The following GRM6 variants were observed in gnomAD, a reference collection of about 807,000 sequenced individuals.
GRM6 encodes the protein metabotropic glutamate receptor 6.
GRM6 carries 73 observed loss-of-function variants against 78.4 expected under a neutral mutation model. That is an observed-to-expected ratio of 0.93 (90% CI 0.77 to 1.13). The LOEUF (loss-of-function observed/expected upper bound fraction) is 1.13. GRM6 is among the 50% of genes most tolerant of loss of function. The pLI, the probability that GRM6 is intolerant of heterozygous loss-of-function variation, is 0.00. For synonymous variants in GRM6, 580 were observed against 555.0 expected, an observed-to-expected ratio of 1.05 and a Z score of -0.63; for missense variants, 1,251 against 1,256.4, an observed-to-expected ratio of 1.00 and a Z score of 0.07.
intron 10 of GRM6, 101 bp downstream of exon 10, chr5:178,982,809 C>T (rs1176613035): frequency 1.1e-5 from 9 of 824,330 alleles, no homozygotes; most frequent in Admixed American, 1.9e-5. Context: ...CAGCCAGATA[C>T]GGGATAAACA....
chr5:178,982,101 G>A (rs1388777117), intron 10 of GRM6, among the ~76,000 whole-genome samples: 1 of 152,196 alleles, frequency 6.6e-6, no homozygotes, highest in Non-Finnish European at 1.5e-5. Flanking sequence ...ACCTGGGGAA[G>A]CGGGAGCCGG....
At position 178,988,523 on chromosome 5, in the gene GRM6, G is replaced by C. The variant is rs1437187571; in HGVS notation, c.1354+412C>G. Among the ~76,000 whole-genome samples the C allele has an allele frequency of 6.6e-6, 1 of 152,188 alleles. No individual in the cohort carries two copies. The highest frequency in any genetic ancestry group is 1.5e-5 in the Non-Finnish European group (1 of 68,036). Reference sequence around the variant, plus strand: ...GTGCCAAGGGACAGGTCAGACCCACGCCTGTGCCTGGCGCATGACTCAGAG... The same window carrying C: ...GTGCCAAGGGACAGGTCAGACCCACCCCTGTGCCTGGCGCATGACTCAGAG... On this transcript the variant is annotated intron_variant, in intron 7 of 10. Transcript: ENST00000517717. The surrounding 1 kb of genome is among the most constrained non-coding windows in gnomAD (Gnocchi z 6.0).
chr5:178,983,618 A>G (rs1029170295), intron 9 of GRM6: 1 of 380,520 alleles, frequency 2.6e-6, no homozygotes, highest in Non-Finnish European at 5.3e-6. Flanking sequence ...CCCTACTCGC[A>G]TCGCCTCTCT....
At chr5:178,987,418 C>T (rs1169078092) in intron 7 of GRM6, 1 of 459,106 alleles carries the variant, frequency 2.2e-6, no homozygotes, top group East Asian at 6.9e-5. Flanking sequence ...CGAGCGTCCA[C>T]TGACAGAAGA....
rs11449973 is a variant in GRM6 at position 178,992,395 on chromosome 5, A to ACC, written c.505-314_505-313dup. 4.4e-5 allele frequency: 21 copies of ACC among 478,278 alleles called. No homozygotes were observed. Among genetic ancestry groups the ACC allele is most frequent in the South Asian group, 3.0e-4 (18 of 59,310 alleles). The allele number at this position is 478,278 out of a possible 1,614,324, so 29.6% of individuals were successfully genotyped here. A position where few individuals can be genotyped will look rare whatever the true frequency, so the allele number is the denominator to read the frequency against. On this transcript the variant is annotated intron_variant, in intron 2 of 10. Coordinates refer to ENST00000517717, the MANE Select transcript of GRM6 (RefSeq NM_000843.4). The surrounding 1 kb of genome is among the most constrained non-coding windows in gnomAD (Gnocchi z 4.9). ...GGTACAAGCTGTGTCCTGAACAAGG[A>ACC]CCCCCAGCAGAGGGCCTGCAGCCCA... is the stretch of plus-strand genomic sequence containing the variant.
At position 178,982,957 on chromosome 5, in the gene GRM6, G is replaced by A; in HGVS notation, c.2389C>T (p.Leu797=). ...CCAAAGAAGATGGGCACGAATGCCA[G>A]CCAGATGATGCAGGTGGTGTACATG... ...FTMYTTCIIW[L]AFVPIFFGTA... is the part of the protein sequence containing the mutation. The change falls in exon 10 of 11, where the codon CTG becomes TTG. Residue 797 remains leucine, a synonymous_variant. Transcript: ENST00000517717. 1 of 1,614,200 alleles carries A rather than the reference G, an allele frequency of 6.2e-7. No individual in the cohort carries two copies. The highest frequency in any genetic ancestry group is 8.5e-7 in the Non-Finnish European group (1 of 1,180,008).
chr5:178,983,618 A>T, intron 9 of GRM6: 1 of 380,638 alleles, frequency 2.6e-6, no homozygotes, highest in Admixed American at 3.2e-5. Flanking sequence ...CCCTACTCGC[A>T]TCGCCTCTCT....
chr5:178,991,556 C>A lies in GRM6; in HGVS notation c.725G>T (p.Gly242Val), dbSNP rs748683264. ...CTTGATAGACTGGGCAATACAGACCCCCCCTGGGCGTTGGGGGTGCCAGAG... is the reference window on the plus strand; with the variant it reads ...CTTGATAGACTGGGCAATACAGACCACCCCTGGGCGTTGGGGGTGCCAGAG... Reference protein sequence around the residue: ...AFVQISREAGGVCIAQSIKIP... With the variant: ...AFVQISREAGVVCIAQSIKIP... The change falls in exon 4 of 11, where the codon GGG (glycine) becomes GTG (valine). Residue 242 changes from glycine to valine, a missense_variant. Transcript: ENST00000517717. The surrounding 1 kb of genome is among the most constrained non-coding windows in gnomAD (Gnocchi z 5.0). 9.9e-6 allele frequency: 16 copies of A among 1,613,812 alleles called. No individual in the cohort carries two copies. Among genetic ancestry groups the A allele is most frequent in the Non-Finnish European group, 1.4e-5 (16 of 1,179,830 alleles).
At position 178,981,334 on chromosome 5, in the gene GRM6, C is replaced by T. The variant is rs1760390985; in HGVS notation, c.*323G>A. 1 of 321,128 alleles carries T rather than the reference C, an allele frequency of 3.1e-6. No individual in the cohort carries two copies. The highest frequency in any genetic ancestry group is 7.0e-5 in the East Asian group (1 of 14,220). The allele number at this position is 321,128 out of a possible 1,614,324, so 19.9% of individuals were successfully genotyped here. A position where few individuals can be genotyped will look rare whatever the true frequency, so the allele number is the denominator to read the frequency against. ...GAAATCTCCCGCAAACCAGGCAAAG[C>T]CCAGGGCTTCATCATCCTCTTTGGA... On this transcript the variant is annotated 3_prime_UTR_variant, in exon 11 of 11. Transcript: ENST00000517717. This position sits in a 1 kb window ranked among gnomAD's most constrained non-coding sequence, Gnocchi z 5.1.
chr5:178,988,512 G>T lies in GRM6; in HGVS notation c.1354+423C>A, dbSNP rs1332763500. Among the ~76,000 whole-genome samples, 1 of 152,212 alleles carries T rather than the reference G, an allele frequency of 6.6e-6. No homozygotes were observed. Among genetic ancestry groups the T allele is most frequent in the Non-Finnish European group, 1.5e-5 (1 of 68,046 alleles). ...CACCAAGCCTGGTGCCAAGGGACAG[G>T]TCAGACCCACGCCTGTGCCTGGCGC... is the stretch of plus-strand genomic sequence containing the variant. On this transcript the variant is annotated intron_variant, in intron 7 of 10. Coordinates refer to ENST00000517717, the MANE Select transcript of GRM6 (RefSeq NM_000843.4). This position sits in a 1 kb window ranked among gnomAD's most constrained non-coding sequence, Gnocchi z 6.0.
intron 5 of GRM6, chr5:178,989,961 A>G: frequency 4.9e-6 from 1 of 204,588 alleles, no homozygotes; most frequent in Non-Finnish European, 1.0e-5. Context: ...TATCGCTAAA[A>G]CTACTCTCAG....
Position 178,991,917 on chromosome 5 carries a change from T to A in GRM6, c.671A>T (p.Asn224Ile), listed in dbSNP as rs1760683421. ...GGCCTCAACCCCACTTTCGCCATAG[T>A]TGCCCTCGGAGGCCAGCGTGGACAC... ...NYVSTLASEG[N>I]YGESGVEAFV... The change falls in exon 3 of 11, where the codon AAC (asparagine) becomes ATC (isoleucine). Residue 224 changes from asparagine to isoleucine, a missense_variant. By Grantham distance (149) the Asn-to-Ile change is moderately radical (BLOSUM62 -3). Coordinates refer to ENST00000517717, the MANE Select transcript of GRM6 (RefSeq NM_000843.4). This position sits in a 1 kb window ranked among gnomAD's most constrained non-coding sequence, Gnocchi z 5.0. 6.2e-7 allele frequency: 1 copy of A among 1,614,004 alleles called. No individual in the cohort carries two copies. Among genetic ancestry groups the A allele is most frequent in the South Asian group, 1.1e-5 (1 of 91,070 alleles).
In GRM6 at chr5:178,988,731, G is replaced by A. The variant is rs1306045137; in HGVS notation, c.1354+204C>T. 6.6e-6 allele frequency among the ~76,000 whole-genome samples: 1 copy of A among 152,170 alleles called. No homozygotes were observed. Among genetic ancestry groups the A allele is most frequent in the Non-Finnish European group, 1.5e-5 (1 of 68,012 alleles). On this transcript the variant is annotated intron_variant, in intron 7 of 10. Coordinates refer to ENST00000517717, the MANE Select transcript of GRM6 (RefSeq NM_000843.4). This position sits in a 1 kb window ranked among gnomAD's most constrained non-coding sequence, Gnocchi z 6.0. ...ATCTGAACTGTGCAAACCAGCGCAG[G>A]GAACACTGAAGCCTGGGGAGGGAGC... is the stretch of plus-strand genomic sequence containing the variant.
At position 178,994,695 on chromosome 5, in the gene GRM6, C is replaced by G; in HGVS notation, c.250G>C (p.Glu84Gln). 6.8e-7 allele frequency: 1 copy of G among 1,469,058 alleles called. No homozygotes were observed. Among genetic ancestry groups the G allele is most frequent in the Non-Finnish European group, 9.0e-7 (1 of 1,113,132 alleles). 91.0% of individuals were successfully genotyped at this position (1,469,058 alleles called of 1,614,324 possible). A position where few individuals can be genotyped will look rare whatever the true frequency, so the allele number is the denominator to read the frequency against. The change falls in exon 2 of 11, where the codon GAG (glutamate) becomes CAG (glutamine). Residue 84 changes from glutamate to glutamine, a missense_variant. By Grantham distance (29) the Glu-to-Gln change is conservative. Coordinates refer to ENST00000517717, the MANE Select transcript of GRM6 (RefSeq NM_000843.4). ...CCCAGGCGCACGCCGGGCAGCAGCTCGGGGTCGGCGTTGACGCGGTCCAGC... is the reference window on the plus strand; with the variant it reads ...CCCAGGCGCACGCCGGGCAGCAGCTGGGGGTCGGCGTTGACGCGGTCCAGC... ...YALDRVNADP[E>Q]LLPGVRLGAR...
intron 5 of GRM6, among the ~76,000 whole-genome samples, chr5:178,990,379 G>A (rs924321727): frequency 2.0e-5 from 3 of 152,222 alleles, no homozygotes; most frequent in Admixed American, 6.5e-5. Context: ...ATTCCTCCCC[G>A]TCCAGTGAGT....
In GRM6 at chr5:178,981,711, G is replaced by A. The variant is rs1295843003; in HGVS notation, c.2580C>T (p.Ala860=). ...TGGGTGGGGCTGCCACCGTGGAGGT[G>A]GCCTTGAGGCTCCGCTTTCGCTTCT... The part of the protein sequence containing the change: ...NVQKRKRSLK[A]TSTVAAPPKG... The change falls in exon 11 of 11, where the codon GCC becomes GCT. Residue 860 remains alanine, a synonymous_variant. Coordinates refer to ENST00000517717, the MANE Select transcript of GRM6 (RefSeq NM_000843.4). The surrounding 1 kb of genome is among the most constrained non-coding windows in gnomAD (Gnocchi z 5.1). 2 of 1,613,968 alleles carry A rather than the reference G, an allele frequency of 1.2e-6. No individual in the cohort carries two copies. Among genetic ancestry groups the A allele is most frequent in the Non-Finnish European group, 1.7e-6 (2 of 1,179,974 alleles).
chr5:178,992,032 G>A lies in GRM6; in HGVS notation c.556C>T (p.Arg186Cys), dbSNP rs768079071. ...ACCACCCGGGAGAAGAAGTCATAGC[G>A]TGTGGAGTCGCTGAGCTCCGGGGCT... ...STAPELSDST[R>C]YDFFSRVVPP... The change falls in exon 3 of 11, where the codon CGC becomes TGC. Residue 186 changes from arginine to cysteine, a missense_variant. Arg to Cys is a radical substitution (Grantham distance 180). Coordinates refer to ENST00000517717, the MANE Select transcript of GRM6 (RefSeq NM_000843.4). This position sits in a 1 kb window ranked among gnomAD's most constrained non-coding sequence, Gnocchi z 4.9. 2.2e-5 allele frequency: 36 copies of A among 1,613,978 alleles called. No homozygotes were observed. Among genetic ancestry groups the A allele is most frequent in the Middle Eastern group, 1.6e-4 (1 of 6,084 alleles).
chr5:178,987,206 G>C, intron 7 of GRM6: 1 of 679,400 alleles, frequency 1.5e-6, no homozygotes, highest in Non-Finnish European at 2.7e-6. Flanking sequence ...GGAGAAGTCG[G>C]AACCCTTGTG....
intron 9 of GRM6, among the ~76,000 whole-genome samples, chr5:178,983,912 G>A (rs1760456905): frequency 6.6e-6 from 1 of 152,246 alleles, no homozygotes; most frequent in African/African-American, 2.4e-5. Context: ...CTGTACGAGA[G>A]CGCCTGATTG....
Sources: gnomAD v4.1 joint callset for allele counts (sites outside exome capture counted in the v4.1 genomes callset) on GRCh38, gnomAD v4.1.1 for gene constraint, Gnocchi (gnomAD v3.1) non-coding constraint, MANE v1.5 for transcripts, NCBI Gene and HGNC (gene_info 2026-07-23, HGNC 2026-07-21) for gene names.